Variants in NXPE4 observed in about 807,000 individuals in gnomAD.
The protein encoded by NXPE4 is neurexophilin and PC-esterase domain family member 4, also known as NXPE family member 4.
Under a neutral mutation model 33.3 loss-of-function variants are expected in NXPE4, and 42 were observed. That is an observed-to-expected ratio of 1.26 (90% confidence interval 0.98 to 1.63). The LOEUF is 1.63. NXPE4 is among the 40% of genes most tolerant of loss of function. NXPE4 has a pLI of 0.00. For synonymous variants in NXPE4, 253 were observed against 234.9 expected, an observed-to-expected ratio of 1.08 and a Z score of -0.71; for missense variants, 709 against 647.6, an observed-to-expected ratio of 1.09 and a Z score of -1.03.
At chr11:114,609,827 T>C in the NXPE4 span, among the ~76,000 whole-genome samples, 7 of 150,590 alleles carry the variant, frequency 4.6e-5, no homozygotes, top group Non-Finnish European at 8.9e-5. Context: ...TGGATTACCA[T>C]GGTAACCCGA....
rs753714095 is a variant in NXPE4 at position 114,571,033 on chromosome 11, A to G, written c.1540T>C (p.Trp514Arg). ...QDLSVSIIDA[W>R]DITIAYGTNN... The stretch of plus-strand genomic sequence containing the variant: ...GTGCCATATGCAATTGTTATATCCC[A>G]GGCATCAATGATACTCACACTGAGA... Residue 514 changes from tryptophan to arginine, a missense_variant, in exon 6 of 6, where the codon TGG (tryptophan) becomes CGG (arginine). Physicochemically the swap from Trp to Arg is moderately radical, Grantham distance 101. Coordinates refer to ENST00000375478, the MANE Select transcript of NXPE4 (RefSeq NM_001077639.2). 11 of 1,613,520 alleles carry G rather than the reference A, an allele frequency of 6.8e-6. No homozygotes were observed. Among genetic ancestry groups the G allele is most frequent in the Non-Finnish European group, 9.3e-6 (11 of 1,179,454 alleles).
chr11:114,577,064 TATATATAAAGTTATATATATAC>T (rs1173463557), intron 5 of NXPE4, among the ~76,000 whole-genome samples: 49 of 128,640 alleles, frequency 3.8e-4, no homozygotes, highest in African/African-American at 1.4e-3. Context: ...TATACATATA[TATATATAAAGTTATATATATAC>T]ATATATATAT....
chr11:114,673,805 A>G, the NXPE4 span, among the ~76,000 whole-genome samples: 2 of 151,808 alleles, frequency 1.3e-5, no homozygotes, highest in Non-Finnish European at 2.9e-5. Flanking sequence ...GGTTCCCACA[A>G]AGATAGGAAG....
chr11:114,651,953 T>A, the NXPE4 span, among the ~76,000 whole-genome samples: 1 of 152,210 alleles, frequency 6.6e-6, no homozygotes, highest in Non-Finnish European at 1.5e-5. Flanking sequence ...ATTAGGGTGC[T>A]GTTAGGTTCA....
rs1949171860 is a variant in NXPE4, at chr11:114,582,495, A to T, written c.623T>A (p.Phe208Tyr). The change falls in exon 3 of 6, where the codon TTT becomes TAT. Residue 208 changes from phenylalanine to tyrosine, a missense_variant. Coordinates refer to ENST00000375478, the MANE Select transcript of NXPE4 (RefSeq NM_001077639.2). ...GTGGACTTGGGAAGTGCCATTGACA[A>T]ACTGGCCAGTGAAGATCACCCTGTC... The part of the protein sequence containing the change: ...GYDRVIFTGQ[F>Y]VNGTSQVHSE... The T allele has an allele frequency of 6.2e-7, 1 of 1,613,982 alleles. No individual in the cohort carries two copies. Among genetic ancestry groups the T allele is most frequent in the Non-Finnish European group, 8.5e-7 (1 of 1,180,010 alleles).
chr11:114,626,607 C>A, the NXPE4 span, among the ~76,000 whole-genome samples: 3 of 152,160 alleles, frequency 2.0e-5, no homozygotes, highest in Non-Finnish European at 4.4e-5. Context: ...CTCTAAAAAG[C>A]AGAGCGCCTC....
At chr11:114,620,927 T>C in the NXPE4 span, among the ~76,000 whole-genome samples, 1 of 152,184 alleles carries the variant, frequency 6.6e-6, no homozygotes, top group Admixed American at 6.5e-5. Flanking sequence ...AAGCATTGCC[T>C]TGTGGGTAAC....
the NXPE4 span, among the ~76,000 whole-genome samples, chr11:114,630,913 A>T: frequency 6.6e-6 from 1 of 151,826 alleles, no homozygotes; most frequent in Non-Finnish European, 1.5e-5. Flanking sequence ...GCCAAAAAAC[A>T]CATGAAAAAA....
chr11:114,664,914 T>C, the NXPE4 span, among the ~76,000 whole-genome samples: 11 of 152,152 alleles, frequency 7.2e-5, no homozygotes, highest in Non-Finnish European at 1.0e-4. Flanking sequence ...CTAATGTAAG[T>C]GTTCAGAGCA....
the NXPE4 span, among the ~76,000 whole-genome samples, chr11:114,619,802 C>A: frequency 6.6e-6 from 1 of 151,926 alleles, no homozygotes; most frequent in African/African-American, 2.4e-5. Flanking sequence ...TCGTGAGTAA[C>A]CACTGTTACC....
At chr11:114,599,417 T>A (rs1403710564), upstream of NXPE4, among the ~76,000 whole-genome samples, 1 of 152,222 alleles carries the variant, frequency 6.6e-6, no homozygotes, top group Non-Finnish European at 1.5e-5. Context: ...CCCTCCACCC[T>A]CTGCCTGTTA....
At chr11:114,633,842 A>G in the NXPE4 span, among the ~76,000 whole-genome samples, 4 of 151,972 alleles carry the variant, frequency 2.6e-5, 1 homozygote, top group African/African-American at 9.7e-5. Context: ...TATGTGCCAC[A>G]TTATCTTAAT....
chr11:114,619,798 G>A, the NXPE4 span, among the ~76,000 whole-genome samples: 1 of 152,086 alleles, frequency 6.6e-6, no homozygotes, highest in African/African-American at 2.4e-5. Context: ...TGCCTCGTGA[G>A]TAACCACTGT....
In NXPE4 at chr11:114,594,773, C is replaced by T. The variant is rs78854688; in HGVS notation, c.-10-4G>A. 2.3e-6 allele frequency: 3 copies of T among 1,320,898 alleles called. No individual in the cohort carries two copies. Among genetic ancestry groups the T allele is most frequent in the Non-Finnish European group, 3.2e-6 (3 of 933,920 alleles). The allele number at this position is 1,320,898 out of a possible 1,614,324, so 81.8% of individuals were successfully genotyped here. On this transcript the variant is annotated splice_polypyrimidine_tract_variant and splice_region_variant and intron_variant, in intron 1 of 5. Transcript: ENST00000375478. ...ACTTATTTTCATGATTAGGATCCTACAAGAGACAATACAAAAACAAGCACA... is the reference window on the plus strand; with the variant it reads ...ACTTATTTTCATGATTAGGATCCTATAAGAGACAATACAAAAACAAGCACA...
intron 2 of NXPE4, chr11:114,583,665 G>A (rs960168513): frequency 6.8e-6 from 4 of 586,058 alleles, no homozygotes; most frequent in East Asian, 9.0e-5. Context: ...TGGGCTGGAG[G>A]CCTGCACCAT....
the NXPE4 span, among the ~76,000 whole-genome samples, chr11:114,638,488 C>T: frequency 6.6e-6 from 1 of 152,068 alleles, no homozygotes; most frequent in Non-Finnish European, 1.5e-5. Context: ...CTCCGTCCAA[C>T]TTTGTTCCAT....
At chr11:114,626,224 G>A in the NXPE4 span, among the ~76,000 whole-genome samples, 2 of 152,180 alleles carry the variant, frequency 1.3e-5, no homozygotes, top group African/African-American at 4.8e-5. Flanking sequence ...CTGGGGGCAG[G>A]GCACAGACAA....
chr11:114,669,430 C>T, the NXPE4 span, among the ~76,000 whole-genome samples: 3 of 152,024 alleles, frequency 2.0e-5, no homozygotes, highest in Non-Finnish European at 4.4e-5. Flanking sequence ...AATATCTTAC[C>T]TGAAGGGTAA....
At chr11:114,642,476 A>G in the NXPE4 span, among the ~76,000 whole-genome samples, 1 of 150,868 alleles carries the variant, frequency 6.6e-6, no homozygotes, top group African/African-American at 2.4e-5. Flanking sequence ...CCCTGTGTCC[A>G]TGTGTTCTCA....
Sources: gnomAD v4.1 joint callset for allele counts (sites outside exome capture counted in the v4.1 genomes callset) on GRCh38, gnomAD v4.1.1 for gene constraint, MANE v1.5 for transcripts, NCBI Gene and HGNC (gene_info 2026-07-23, HGNC 2026-07-21) for gene names.